Variants in EIF4G3 observed in about 807,000 individuals in gnomAD.
The protein encoded by EIF4G3 is eIF-4-gamma 3.
EIF4G3 carries 34 observed loss-of-function variants against 186.4 expected under a neutral mutation model. That is an observed-to-expected ratio of 0.18 (90% confidence interval 0.14 to 0.24). The LOEUF (loss-of-function observed/expected upper bound fraction) is 0.24. Ranked by LOEUF, EIF4G3 falls within the 10% of genes least tolerant of loss-of-function variation. The pLI, the probability that EIF4G3 is intolerant of heterozygous loss-of-function variation, is 1.00. For synonymous variants in EIF4G3, 673 were observed against 679.5 expected, an observed-to-expected ratio of 0.99 and a Z score of 0.15; for missense variants, 1,536 against 1,948.5, an observed-to-expected ratio of 0.79 and a Z score of 3.99.
intron 14 of EIF4G3, among the ~76,000 whole-genome samples, chr1:20,917,674 G>T (rs1447502504): frequency 3.9e-5 from 6 of 152,074 alleles, no homozygotes; most frequent in Non-Finnish European, 8.8e-5. Flanking sequence ...AAAAATTTTG[G>T]GTGATAAATA....
At chr1:21,068,004 C>A (rs560822776) in intron 3 of EIF4G3, among the ~76,000 whole-genome samples, 114 of 152,150 alleles carry the variant, frequency 7.5e-4, no homozygotes, top group South Asian at 5.6e-3. Flanking sequence ...TAGATTCATA[C>A]CTTTCATCAG....
rs67864326 is a variant in EIF4G3, at chr1:20,807,755, G to GT, written c.4745-256dup. Among the ~76,000 whole-genome samples the GT allele has an allele frequency of 5.3e-3, 338 of 63,880 alleles. 20 individuals are homozygous for GT. Among genetic ancestry groups the GT allele is most frequent in the African/African-American group, 0.018 (297 of 16,250 alleles). 41.9% of individuals were successfully genotyped at this position (63,880 alleles called of 152,430 possible). A position where few individuals can be genotyped will look rare whatever the true frequency, so the allele number is the denominator to read the frequency against. On this transcript the variant is annotated intron_variant, in intron 36 of 36. Coordinates refer to ENST00000602326, the MANE Select transcript of EIF4G3 (RefSeq NM_001391906.1). ...TTTGTACAATTTGAACTTTTTTTCT[G>GT]TTTTTTTTTTTTTTTTTTTTTTTTT...
chr1:20,923,066 T>C (rs894311062), intron 14 of EIF4G3, among the ~76,000 whole-genome samples: 8 of 152,158 alleles, frequency 5.3e-5, no homozygotes, highest in Admixed American at 3.3e-4. Context: ...GGGCTAGAAC[T>C]GAAACACAGA....
At chr1:20,995,214 A>G (rs966731383) in intron 7 of EIF4G3, among the ~76,000 whole-genome samples, 3 of 152,168 alleles carry the variant, frequency 2.0e-5, no homozygotes, top group African/African-American at 7.2e-5. Context: ...ACAATATCCT[A>G]ATTTTAGAAC....
intron 3 of EIF4G3, among the ~76,000 whole-genome samples, chr1:21,056,182 T>C (rs1324302767): frequency 1.3e-5 from 2 of 152,196 alleles, no homozygotes; most frequent in African/African-American, 4.8e-5. Flanking sequence ...TGGTAATCCT[T>C]TGGTATCAGA....
chr1:21,167,995 C>CA (rs1177420983), intron 2 of EIF4G3: 4 of 467,620 alleles, frequency 8.6e-6, no homozygotes, highest in African/African-American at 8.0e-5. Context: ...TTGTAATGTG[C>CA]AGTCATAACT....
intron 3 of EIF4G3, among the ~76,000 whole-genome samples, chr1:21,054,737 C>G (rs1409108259): frequency 1.3e-5 from 2 of 152,214 alleles, no homozygotes; most frequent in Non-Finnish European, 2.9e-5. Flanking sequence ...AAAATCTAGT[C>G]CCTGGTACTC....
At chr1:20,929,127 G>C (rs551091801) in intron 14 of EIF4G3, among the ~76,000 whole-genome samples, 26 of 152,140 alleles carry the variant, frequency 1.7e-4, no homozygotes, top group Non-Finnish European at 3.5e-4. Context: ...TGCATCAGTT[G>C]ATAAACTGAT....
intron 29 of EIF4G3, among the ~76,000 whole-genome samples, chr1:20,848,400 A>T (rs2071962622): frequency 6.6e-6 from 1 of 152,236 alleles, no homozygotes; most frequent in African/African-American, 2.4e-5. Context: ...CACATCACTT[A>T]ATCAGATCCC....
chr1:20,807,609 GA>G, intron 36 of EIF4G3, 109 bp from the exon 37 acceptor site: 4 of 983,846 alleles, frequency 4.1e-6, no homozygotes, highest in Non-Finnish European at 5.5e-6. Flanking sequence ...AATTCCCCCA[GA>G]AAAAAGCAAT....
At chr1:21,159,558 G>A (rs906624863) in intron 2 of EIF4G3, among the ~76,000 whole-genome samples, 20 of 151,980 alleles carry the variant, frequency 1.3e-4, no homozygotes, top group Admixed American at 1.1e-3. Flanking sequence ...CCAACATGGC[G>A]AAACCTCGTC....
At chr1:21,019,660 G>C (rs893992181) in intron 4 of EIF4G3, among the ~76,000 whole-genome samples, 2 of 152,126 alleles carry the variant, frequency 1.3e-5, no homozygotes, top group Admixed American at 1.3e-4. Context: ...CAAGGCAGAC[G>C]GATCACAAGG....
intron 2 of EIF4G3, among the ~76,000 whole-genome samples, chr1:21,094,915 T>C (rs1000899691): frequency 1.3e-5 from 2 of 152,042 alleles, no homozygotes; most frequent in South Asian, 2.1e-4. Context: ...CTAAGAAAGC[T>C]GTGATGACAG....
chr1:20,928,747 A>G (rs984872206), intron 14 of EIF4G3, among the ~76,000 whole-genome samples: 10 of 152,134 alleles, frequency 6.6e-5, no homozygotes, highest in African/African-American at 2.2e-4. Context: ...TAATTTACGT[A>G]TCATAAAATT....
At chr1:20,892,612 A>G in intron 18 of EIF4G3, 2 of 1,514,746 alleles carry the variant, frequency 1.3e-6, no homozygotes, top group East Asian at 2.5e-5. Context: ...CAAAGTGTTC[A>G]GCGCACCCCT....
chr1:20,892,879 G>A lies in EIF4G3; in HGVS notation c.2253+638C>T, dbSNP rs184462678. On this transcript the variant is annotated intron_variant, in intron 18 of 36. Coordinates refer to ENST00000602326, the MANE Select transcript of EIF4G3 (RefSeq NM_001391906.1). Reference sequence around the variant, plus strand: ...TTCAGAGACAGGGTCTTGCTTTGTCGCCCAGACTGGAGTGCAGTGGCATGA... The same window carrying A: ...TTCAGAGACAGGGTCTTGCTTTGTCACCCAGACTGGAGTGCAGTGGCATGA... The A allele has an allele frequency of 2.2e-3, 1,323 of 601,974 alleles. 20 individuals are homozygous for A. In the Admixed American group the frequency reaches 0.034, roughly 15 times the overall value. 37.3% of individuals were successfully genotyped at this position (601,974 alleles called of 1,614,324 possible).
chr1:20,818,325 T>G (rs1214039783), intron 33 of EIF4G3, among the ~76,000 whole-genome samples: 1 of 152,176 alleles, frequency 6.6e-6, no homozygotes, highest in East Asian at 1.9e-4. Flanking sequence ...TGTTTAGCAC[T>G]TAGATACATA....
At position 20,978,608 on chromosome 1, in the gene EIF4G3, C is replaced by T. The variant is rs1290452399; in HGVS notation, c.493+1726G>A. Among the ~76,000 whole-genome samples, 14 of 149,880 alleles carry T rather than the reference C, an allele frequency of 9.3e-5. 1 individual carries two copies. In the South Asian group the frequency reaches 2.7e-3, roughly 29 times the overall value. ...ATGTCACCAGGGATGTGAATCATCC[C>T]TTTATCCAGTGTATCCATGCTGTAC... On this transcript the variant is annotated intron_variant, in intron 10 of 36. Transcript: ENST00000602326.
intron 20 of EIF4G3, among the ~76,000 whole-genome samples, chr1:20,878,854 T>G (rs1394889901): frequency 6.6e-6 from 1 of 152,230 alleles, no homozygotes; most frequent in Non-Finnish European, 1.5e-5. Flanking sequence ...GAGAGAAACC[T>G]AACAGTTTCT....
Sources: allele counts gnomAD v4.1 joint callset (sites outside exome capture counted in the v4.1 genomes callset), GRCh38; gene constraint gnomAD v4.1.1; transcripts MANE v1.5; gene names NCBI Gene and HGNC (gene_info 2026-07-23, HGNC 2026-07-21).